The following CYB561A3 variants were observed in gnomAD, a reference collection of about 807,000 sequenced individuals.
CYB561A3 encodes lysosomal membrane ascorbate-dependent ferrireductase CYB561A3.
A neutral mutation model predicts 25.3 loss-of-function variants in CYB561A3; 16 were observed. That is an observed-to-expected ratio of 0.63 (90% confidence interval 0.43 to 0.96). CYB561A3 has a LOEUF of 0.96. Among genes scored for constraint, CYB561A3 ranks in the 40% least tolerant of loss-of-function variants. The pLI is 0.00. For synonymous variants in CYB561A3, 131 were observed against 129.9 expected, an observed-to-expected ratio of 1.01 and a Z score of -0.06; for missense variants, 219 against 307.5, an observed-to-expected ratio of 0.71 and a Z score of 2.15.
chr11:61,361,019 A>C (rs1008693692), intron 1 of CYB561A3: 2 of 152,086 alleles, frequency 1.3e-5, no homozygotes, highest in Non-Finnish European at 2.9e-5. Context: ...GCTCTACTCC[A>C]AACTCTTGCA....
Position 61,351,111 on chromosome 11 carries a change from A to G in CYB561A3, c.585T>C (p.Ser195=). The change falls in exon 6 of 7, where the codon AGT becomes AGC. Residue 195 remains serine (S), a synonymous_variant. Transcript: ENST00000294072. ...NTTRPYHSLP[S]EAVFANSTGM... ...CGGTGCTGTTGGCAAAGACCGCCTC[A>G]CTGGGCAGGCTGTGGTATGGCCTGG... 6.2e-7 allele frequency: 1 copy of G among 1,613,864 alleles called. No individual in the cohort carries two copies. The highest frequency in any genetic ancestry group is 8.5e-7 in the Non-Finnish European group (1 of 1,179,918).
intron 1 of CYB561A3, chr11:61,360,424 G>A (rs903394263): frequency 6.6e-6 from 1 of 152,228 alleles, no homozygotes; most frequent in African/African-American, 2.4e-5. Flanking sequence ...TCTAGGCTTT[G>A]TAGAGCACAT....
chr11:61,358,582 G>A (rs1857729475), intron 1 of CYB561A3: 1 of 151,784 alleles, frequency 6.6e-6, no homozygotes, highest in Non-Finnish European at 1.5e-5. Flanking sequence ...AAAATTAGCT[G>A]GGCATGGTGG....
rs564796631 is a variant in CYB561A3, at chr11:61,353,011, G to T, written c.522C>A (p.Gly174=). 3.1e-6 allele frequency: 5 copies of T among 1,614,148 alleles called. No individual in the cohort carries two copies. The East Asian group carries it at 1.1e-4, about 36-fold the overall frequency. The change falls in exon 5 of 7, where the codon GGC becomes GGA. Residue 174 remains glycine (G), a synonymous_variant. Transcript: ENST00000294072. Reference sequence around the variant, plus strand: ...AACTGAAGAAAAGCTTCTCATTAATGCCCGAAATGACGGATGCGATGGACA... The same window carrying T: ...AACTGAAGAAAAGCTTCTCATTAATTCCCGAAATGACGGATGCGATGGACA... ...LSLSIASVIS[G]INEKLFFSLK...
chr11:61,353,086 G>A lies in CYB561A3; in HGVS notation c.447C>T (p.Arg149=), dbSNP rs1857494774. Residue 149 remains arginine (R), a synonymous_variant, in exon 5 of 7, where the codon CGC becomes CGT. Coordinates refer to ENST00000294072, the MANE Select transcript of CYB561A3 (RefSeq NM_153611.6). ...AGACGTGGATAGGTTTTAGGAGGCT[G>A]CGCAGCCACATGGACGCCCAGGGCA... ...FLLPWASMWL[R]SLLKPIHVFF... The A allele has an allele frequency of 1.2e-6, 2 of 1,613,768 alleles. No individual in the cohort carries two copies. The highest frequency in any genetic ancestry group is 1.1e-5 in the South Asian group (1 of 91,072).
chr11:61,350,835 T>G, intron 6 of CYB561A3, 156 bp downstream of exon 6: 1 of 1,070,502 alleles, frequency 9.3e-7, no homozygotes. Flanking sequence ...TTGGGACCAG[T>G]GCTCCCCATC....
chr11:61,349,679 C>G lies in CYB561A3; in HGVS notation c.*720G>C, dbSNP rs1212016870. 8 of 702,268 alleles carry G rather than the reference C, an allele frequency of 1.1e-5. No individual in the cohort carries two copies. Among genetic ancestry groups the G allele is most frequent in the Admixed American group, 6.0e-5 (3 of 49,976 alleles). 43.5% of individuals were successfully genotyped at this position (702,268 alleles called of 1,614,324 possible). On this transcript the variant is annotated 3_prime_UTR_variant, in exon 7 of 7. Coordinates refer to ENST00000294072, the MANE Select transcript of CYB561A3 (RefSeq NM_153611.6). ...TGGAGCCGCACGGTCACAATACATGCAGACACAGAGCAGCAATACGAAACA... is the reference window on the plus strand; with the variant it reads ...TGGAGCCGCACGGTCACAATACATGGAGACACAGAGCAGCAATACGAAACA...
intron 5 of CYB561A3, 84 bp downstream of exon 5, chr11:61,352,901 T>C (rs1362332818): frequency 6.2e-7 from 1 of 1,606,930 alleles, no homozygotes; most frequent in African/African-American, 1.3e-5. Flanking sequence ...CTCCCTTGGG[T>C]GAGTCCTGTG....
chr11:61,352,699 C>G, intron 5 of CYB561A3: 1 of 796,558 alleles, frequency 1.3e-6, no homozygotes, highest in Non-Finnish European at 1.7e-6. Context: ...GACAACAATA[C>G]CAATCAATAC....
At position 61,358,248 on chromosome 11, in the gene CYB561A3, C is replaced by G. The variant is rs548897009; in HGVS notation, c.-111-420G>C. ...CTGATCAACATGGTGAAACCCCGGT[C>G]TCTACTAAAAATACAAAATTAGCCA... On this transcript the variant is annotated intron_variant, in intron 1 of 6. Coordinates refer to ENST00000294072, the MANE Select transcript of CYB561A3 (RefSeq NM_153611.6). 2.6e-5 allele frequency: 4 copies of G among 151,982 alleles called. No individual in the cohort carries two copies. In the East Asian group the frequency reaches 7.7e-4, roughly 29 times the overall value. 9.4% of individuals were successfully genotyped at this position (151,982 alleles called of 1,614,324 possible). A position where few individuals can be genotyped will look rare whatever the true frequency, so the allele number is the denominator to read the frequency against.
At chr11:61,354,128 C>G in intron 3 of CYB561A3, 136 bp from the exon 4 acceptor site, 5 of 840,516 alleles carry the variant, frequency 5.9e-6, no homozygotes, top group South Asian at 1.7e-5. Context: ...ATCAACTCCT[C>G]GGCATCTTCT....
At position 61,351,126 on chromosome 11, in the gene CYB561A3, G is replaced by A. The variant is rs565524051; in HGVS notation, c.570C>T (p.Tyr190=). The change falls in exon 6 of 7, where the codon TAC becomes TAT. Residue 190 remains tyrosine, a synonymous_variant. Coordinates refer to ENST00000294072, the MANE Select transcript of CYB561A3 (RefSeq NM_153611.6). ...AGACCGCCTCACTGGGCAGGCTGTG[G>A]TATGGCCTGGTGGTGTTTTTCCTGA... ...FFSLKNTTRP[Y]HSLPSEAVFA... is the part of the protein sequence containing the mutation. The A allele has an allele frequency of 1.4e-5, 23 of 1,613,070 alleles. No homozygotes were observed. In the African/African-American group the frequency reaches 1.9e-4, roughly 13 times the overall value.
chr11:61,357,218 G>C (rs1211880976), intron 2 of CYB561A3: 1 of 1,551,470 alleles, frequency 6.4e-7, no homozygotes, highest in Non-Finnish European at 8.7e-7. Flanking sequence ...ACAGGAAGGA[G>C]TCAGAAAAGT....
In CYB561A3 at chr11:61,353,759, G is replaced by A. The variant is rs370615613; in HGVS notation, c.393+25C>T. 5.9e-5 allele frequency: 95 copies of A among 1,613,326 alleles called. No individual in the cohort carries two copies. The African/African-American group carries it at 1.1e-3, about 19-fold the overall frequency. On this transcript the variant is annotated intron_variant, in intron 4 of 6. Coordinates refer to ENST00000294072, the MANE Select transcript of CYB561A3 (RefSeq NM_153611.6). ...CAGAGCTCATGGCTCTGGGAACCTC[G>A]AGGAGGAGAACAGAGAGAACCCACC...
At chr11:61,357,400 A>G in intron 2 of CYB561A3, 2 of 594,634 alleles carry the variant, frequency 3.4e-6, no homozygotes, top group East Asian at 6.0e-5. Flanking sequence ...AAAAAAGAGG[A>G]AGCAACAACT....
At chr11:61,350,881 C>T in intron 6 of CYB561A3, 110 bp downstream of exon 6, 1 of 1,449,692 alleles carries the variant, frequency 6.9e-7, no homozygotes, top group Non-Finnish European at 9.1e-7. Flanking sequence ...TACTTGGTTT[C>T]CTGCTGTGCC....
At chr11:61,350,872 A>G (rs953523143) in intron 6 of CYB561A3, 119 bp downstream of exon 6, 31 of 1,411,904 alleles carry the variant, frequency 2.2e-5, no homozygotes, top group African/African-American at 4.3e-5. Flanking sequence ...CCCTCAAGTT[A>G]CTTGGTTTCC....
intron 2 of CYB561A3, chr11:61,357,145 G>A: frequency 3.2e-6 from 5 of 1,540,966 alleles, no homozygotes; most frequent in Non-Finnish European, 4.4e-6. Flanking sequence ...CAGGCCTTGG[G>A]TTCTAAGATA....
chr11:61,350,525 C>G, intron 6 of CYB561A3, 103 bp from the exon 7 acceptor site: 1 of 1,438,498 alleles, frequency 7.0e-7, no homozygotes, highest in Non-Finnish European at 9.6e-7. Flanking sequence ...TGGTCCCCAT[C>G]CAAGCCACCA....
Sources: gnomAD v4.1 joint callset for allele counts on GRCh38, gnomAD v4.1.1 for gene constraint, MANE v1.5 for transcripts, NCBI Gene and HGNC (gene_info 2026-07-23, HGNC 2026-07-21) for gene names.